CLN6: variants seen among roughly 807,000 people sequenced by gnomAD.
CLN6 encodes ceroid-lipofuscinosis neuronal protein 6.
In CLN6, 22 loss-of-function variants were observed where a neutral mutation model predicts 33.3. The ratio of observed to expected loss-of-function variants is 0.66; its 90% CI spans 0.47 to 0.94. The LOEUF is 0.94. Ranked by LOEUF, CLN6 falls within the 40% of genes least tolerant of loss-of-function variation. CLN6 has a pLI of 0.00. For synonymous variants in CLN6, 201 were observed against 174.6 expected (o/e 1.15, Z -1.19); for missense variants, 387 against 417.1 (o/e 0.93, Z 0.63).
rs796052352 is a variant in CLN6, at chr15:68,211,857, C to T, written c.304G>A (p.Glu102Lys). The T allele has an allele frequency of 5.0e-6, 8 of 1,613,310 alleles. No individual in the cohort carries two copies. The highest frequency in any genetic ancestry group is 2.7e-5 in the African/African-American group (2 of 74,870). The change falls in exon 4 of 7, where the codon GAG (glutamate) becomes AAG (lysine). Residue 102 changes from glutamate to lysine, a missense_variant. Physicochemically the swap from Glu to Lys is moderately conservative, Grantham distance 56. Transcript: ENST00000249806. This position sits in a 1 kb window ranked among gnomAD's most constrained non-coding sequence, Gnocchi z 5.9. ...CGTGGCAGGGTGCGGGGGGACCGCTCGATGAGCTGGGGTTCAGAGTGGGGT... is the reference window on the plus strand; with the variant it reads ...CGTGGCAGGGTGCGGGGGGACCGCTTGATGAGCTGGGGTTCAGAGTGGGGT... ...ITPFLLLKLIERSPRTLPRSI... is the reference protein window; with the variant it reads ...ITPFLLLKLIKRSPRTLPRSI...
rs763901402 is a variant in CLN6, at chr15:68,211,271, G to A, written c.534C>T (p.His178=). Residue 178 remains histidine, a synonymous_variant, in exon 5 of 7, where the codon CAC becomes CAT. Transcript: ENST00000249806. The surrounding 1 kb of genome is among the most constrained non-coding windows in gnomAD (Gnocchi z 5.9). ...LLYYYDEYLG[H]CMWYIPFFLI... ...ATGGGCCCATCACTCACCACATGCA[G>A]TGACCCAGGTACTCATCATAATAGT... The A allele has an allele frequency of 1.1e-5, 17 of 1,614,052 alleles. 1 individual carries two copies. In the South Asian group the frequency reaches 1.9e-4, roughly 18 times the overall value.
At chr15:68,224,734 G>C (rs2093247304) in intron 1 of CLN6, among the ~76,000 whole-genome samples, 1 of 151,662 alleles carries the variant, frequency 6.6e-6, no homozygotes, top group Non-Finnish European at 1.5e-5. Flanking sequence ...CCCAGCTCAT[G>C]TCCTGAGGAT....
At chr15:68,254,627 A>G in intron 1 of CLN6, 3 of 650,334 alleles carry the variant, frequency 4.6e-6, no homozygotes, top group Non-Finnish European at 8.3e-6. Flanking sequence ...CGTTGCCGCC[A>G]CCACCGTGCC....
chr15:68,214,437 G>A, intron 2 of CLN6, 49 bp from the exon 3 acceptor site: 1 of 1,429,128 alleles, frequency 7.0e-7, no homozygotes. Context: ...GCCCCACGCG[G>A]CCCTCGGGCC....
chr15:68,252,592 T>G (rs77005356), intron 1 of CLN6, among the ~76,000 whole-genome samples: 1 of 152,242 alleles, frequency 6.6e-6, no homozygotes, highest in East Asian at 1.9e-4. Context: ...TTGAACTGGA[T>G]ATATTGCAGG....
At chr15:68,215,953 A>C (rs1467223772) in intron 2 of CLN6, among the ~76,000 whole-genome samples, 1 of 152,256 alleles carries the variant, frequency 6.6e-6, no homozygotes, top group Non-Finnish European at 1.5e-5. Context: ...ACTATGTTAC[A>C]TCTATGACAT....
intron 1 of CLN6, among the ~76,000 whole-genome samples, chr15:68,229,070 T>C (rs530935022): frequency 1.6e-4 from 25 of 152,142 alleles, no homozygotes; most frequent in Non-Finnish European, 3.2e-4. Flanking sequence ...TACTCAGGGC[T>C]GGAGGGACCC....
Position 68,209,717 on chromosome 15 carries a change from G to A in CLN6, c.585C>T (p.Gly195=), listed in dbSNP as rs144507672. 197 of 1,613,758 alleles carry A rather than the reference G, an allele frequency of 1.2e-4. No homozygotes were observed. The highest frequency in any genetic ancestry group is 5.0e-5 in the Admixed American group (3 of 60,008). Reference sequence around the variant, plus strand: ...TCTCAGCTTTAGAGGCAGTAAAGCAGCCGCTGAAGTACATGAAGAGGATGA... The same window carrying A: ...TCTCAGCTTTAGAGGCAGTAAAGCAACCGCTGAAGTACATGAAGAGGATGA... ...FFLILFMYFS[G]CFTASKAESL... The change falls in exon 6 of 7, where the codon GGC becomes GGT. Residue 195 remains glycine (G), a synonymous_variant. Coordinates refer to ENST00000249806, the MANE Select transcript of CLN6 (RefSeq NM_017882.3). This position sits in a 1 kb window ranked among gnomAD's most constrained non-coding sequence, Gnocchi z 4.9.
rs1299692981 is a variant in CLN6 at position 68,223,137 on chromosome 15, AAAAAG to A, written c.84-4492_84-4488del. 8.4e-4 allele frequency among the ~76,000 whole-genome samples: 128 copies of A among 152,268 alleles called. 1 individual carries two copies. The highest frequency in any genetic ancestry group is 1.5e-3 in the Non-Finnish European group (102 of 68,016). ...GAATGATCAATAAATACTGAAAAAAAAAAAGAAAAGGATCAGCGTGGCCTAGGGCA... is the reference window on the plus strand; with the variant it reads ...GAATGATCAATAAATACTGAAAAAAAAAAAGGATCAGCGTGGCCTAGGGCA... On this transcript the variant is annotated intron_variant, in intron 1 of 6. Coordinates refer to ENST00000249806, the MANE Select transcript of CLN6 (RefSeq NM_017882.3).
Position 68,211,417 on chromosome 15 carries a change from T to C in CLN6, c.487-99A>G. On this transcript the variant is annotated intron_variant, in intron 4 of 6. Coordinates refer to ENST00000249806, the MANE Select transcript of CLN6 (RefSeq NM_017882.3). This position sits in a 1 kb window ranked among gnomAD's most constrained non-coding sequence, Gnocchi z 5.9. Reference sequence around the variant, plus strand: ...TCCCCTCTGACCACCCTTCTCCCAGTCCCAGGCCTCCCCCACTGCCTTATT... The same window carrying C: ...TCCCCTCTGACCACCCTTCTCCCAGCCCCAGGCCTCCCCCACTGCCTTATT... The C allele has an allele frequency of 5.2e-6, 8 of 1,533,402 alleles. No homozygotes were observed. The highest frequency in any genetic ancestry group is 7.2e-6 in the Non-Finnish European group (8 of 1,109,928). 95.0% of individuals were successfully genotyped at this position (1,533,402 alleles called of 1,614,324 possible).
chr15:68,233,854 G>A (rs1892190350), upstream of CLN6, among the ~76,000 whole-genome samples: 1 of 152,200 alleles, frequency 6.6e-6, no homozygotes. The surrounding 1 kb of genome is among the most constrained non-coding windows in gnomAD (Gnocchi z 4.3). Context: ...GGGGCACTGG[G>A]GGAAGATGGA....
chr15:68,230,133 T>C (rs1233629884), upstream of CLN6, among the ~76,000 whole-genome samples: 2 of 151,894 alleles, frequency 1.3e-5, no homozygotes, highest in Non-Finnish European at 2.9e-5. The surrounding 1 kb of genome is among the most constrained non-coding windows in gnomAD (Gnocchi z 4.0). Context: ...AGCACGTGGG[T>C]TGCAGATGTT....
rs922697744 is a variant in CLN6 at position 68,227,326 on chromosome 15, A to G, written c.83+2176T>C. On this transcript the variant is annotated intron_variant, in intron 1 of 6. Coordinates refer to ENST00000249806, the MANE Select transcript of CLN6 (RefSeq NM_017882.3). This position sits in a 1 kb window ranked among gnomAD's most constrained non-coding sequence, Gnocchi z 4.1. ...AGTGCTGGGATTACAGGCGTGAGCCATGGCACCCGGCCTAATTGTAACACT... is the reference window on the plus strand; with the variant it reads ...AGTGCTGGGATTACAGGCGTGAGCCGTGGCACCCGGCCTAATTGTAACACT... Among the ~76,000 whole-genome samples, 21 of 152,250 alleles carry G rather than the reference A, an allele frequency of 1.4e-4. No homozygotes were observed. The highest frequency in any genetic ancestry group is 5.1e-4 in the African/African-American group (21 of 41,470).
chr15:68,213,769 G>C (rs934919473), intron 3 of CLN6: 1 of 166,252 alleles, frequency 6.0e-6, no homozygotes, highest in African/African-American at 2.4e-5. Flanking sequence ...TCAACCTATA[G>C]TAGTTTTAAA....
Position 68,228,211 on chromosome 15 carries a change from G to A in CLN6, c.83+1291C>T, listed in dbSNP as rs1431759145. On this transcript the variant is annotated intron_variant, in intron 1 of 6. Transcript: ENST00000249806. The surrounding 1 kb of genome is among the most constrained non-coding windows in gnomAD (Gnocchi z 4.4). Reference sequence around the variant, plus strand: ...CCGCAGCTGCTCAGCCCGCATGTCCGCAGCAGCAGAAACGAGCCATCCCTC... The same window carrying A: ...CCGCAGCTGCTCAGCCCGCATGTCCACAGCAGCAGAAACGAGCCATCCCTC... 6.6e-6 allele frequency among the ~76,000 whole-genome samples: 1 copy of A among 152,160 alleles called. No individual in the cohort carries two copies. Among genetic ancestry groups the A allele is most frequent in the East Asian group, 1.9e-4 (1 of 5,188 alleles).
chr15:68,249,551 T>C (rs1892357266), intron 1 of CLN6, among the ~76,000 whole-genome samples: 1 of 152,190 alleles, frequency 6.6e-6, no homozygotes, highest in Non-Finnish European at 1.5e-5. Context: ...GATCATTATG[T>C]TGAATGAAGC....
In CLN6 at chr15:68,209,892, G is replaced by A. The variant is rs1307720234; in HGVS notation, c.543-133C>T. 7.3e-6 allele frequency: 9 copies of A among 1,239,792 alleles called. No homozygotes were observed. Among genetic ancestry groups the A allele is most frequent in the East Asian group, 4.9e-5 (2 of 40,996 alleles). 76.8% of individuals were successfully genotyped at this position (1,239,792 alleles called of 1,614,324 possible). On this transcript the variant is annotated intron_variant, in intron 5 of 6. Transcript: ENST00000249806. The surrounding 1 kb of genome is among the most constrained non-coding windows in gnomAD (Gnocchi z 4.9). ...AAAACGCCTAGCCTGGGTGAGAGGC[G>A]CTCCTCTCCACCCAACCTTGCCTGT...
At chr15:68,254,905 A>T in intron 1 of CLN6, 1 of 1,131,650 alleles carries the variant, frequency 8.8e-7, no homozygotes, top group Middle Eastern at 2.8e-4. Context: ...TGCCAAGTGA[A>T]GTGTGTGCAT....
intron 1 of CLN6, among the ~76,000 whole-genome samples, chr15:68,222,413 C>T (rs1288914870): frequency 2.3e-5 from 3 of 130,476 alleles, no homozygotes; most frequent in South Asian, 2.6e-4. Context: ...GGCTGCCCAT[C>T]GTCTGGGATG....
Sources: gnomAD v4.1 joint callset for allele counts (sites outside exome capture counted in the v4.1 genomes callset) on GRCh38, gnomAD v4.1.1 for gene constraint, Gnocchi (gnomAD v3.1) non-coding constraint, MANE v1.5 for transcripts, NCBI Gene and HGNC (gene_info 2026-07-23, HGNC 2026-07-21) for gene names.